The following SLC4A4 variants were observed in gnomAD, a reference collection of about 807,000 sequenced individuals.
The protein encoded by SLC4A4 is solute carrier family 4 member 4, also known as electrogenic sodium bicarbonate cotransporter 1.
SLC4A4 carries 27 observed loss-of-function variants against 111.5 expected under a neutral mutation model. That is an observed-to-expected ratio of 0.24 (90% CI 0.18 to 0.33). The LOEUF (loss-of-function observed/expected upper bound fraction) is 0.33, where lower values mean the gene tolerates loss of function less well. Among genes scored for constraint, SLC4A4 ranks in the 10% least tolerant of loss-of-function variants. The pLI, the probability that SLC4A4 is intolerant of heterozygous loss-of-function variation, is 1.00. For missense variants in SLC4A4, 909 were observed against 1,315.5 expected, an observed-to-expected ratio of 0.69 and a Z score of 4.78; for synonymous variants, 443 against 463.4, an observed-to-expected ratio of 0.96 and a Z score of 0.57.
At chr4:71,278,162 T>C (rs1261923215) in intron 3 of SLC4A4, among the ~76,000 whole-genome samples, 1 of 152,192 alleles carries the variant, frequency 6.6e-6, no homozygotes. Context: ...TTGACTTTTT[T>C]TTTTTAATTA....
At chr4:71,454,964 T>G (rs1010855987) in intron 12 of SLC4A4, among the ~76,000 whole-genome samples, 2 of 152,086 alleles carry the variant, frequency 1.3e-5, no homozygotes, top group East Asian at 1.9e-4. Context: ...TCCAGAATAT[T>G]TGGGGTCTGG....
At chr4:71,097,341 C>T (rs1742585812) in intron 2 of SLC4A4, among the ~76,000 whole-genome samples, 1 of 152,184 alleles carries the variant, frequency 6.6e-6, no homozygotes, top group African/African-American at 2.4e-5. Context: ...CATGTTCCCA[C>T]AAAAGACATG....
chr4:71,348,145 C>A (rs1729491349), intron 4 of SLC4A4, among the ~76,000 whole-genome samples: 1 of 152,090 alleles, frequency 6.6e-6, no homozygotes, highest in Non-Finnish European at 1.5e-5. Flanking sequence ...CATTCTCCAT[C>A]AAAAATAAAT....
intron 4 of SLC4A4, among the ~76,000 whole-genome samples, chr4:71,349,494 C>T (rs1047082562): frequency 6.6e-6 from 1 of 152,210 alleles, no homozygotes; most frequent in Non-Finnish European, 1.5e-5. Flanking sequence ...CTTATTTAAA[C>T]TTGCCTCATG....
chr4:71,342,853 T>C (rs1436771327), intron 4 of SLC4A4, among the ~76,000 whole-genome samples: 2 of 152,200 alleles, frequency 1.3e-5, no homozygotes, highest in African/African-American at 4.8e-5. Context: ...AGAGACGTTA[T>C]TTCCTTGGGA....
intron 1 of SLC4A4, among the ~76,000 whole-genome samples, chr4:71,195,472 T>C (rs928121906): frequency 6.6e-6 from 1 of 152,200 alleles, no homozygotes; most frequent in Non-Finnish European, 1.5e-5. Context: ...TCATCTGGTA[T>C]AGTAAACAGC....
intron 3 of SLC4A4, among the ~76,000 whole-genome samples, chr4:71,296,525 A>T (rs919616235): frequency 2.0e-4 from 31 of 152,172 alleles, no homozygotes; most frequent in African/African-American, 7.2e-4. Flanking sequence ...AGTTGGGTGT[A>T]TTTTTTTGGG....
intron 6 of SLC4A4, among the ~76,000 whole-genome samples, chr4:71,393,041 A>G (rs538209544): frequency 6.6e-6 from 1 of 152,164 alleles, no homozygotes; most frequent in Non-Finnish European, 1.5e-5. Context: ...GCCATCTATG[A>G]CAAACCCACA....
chr4:71,533,516 C>CT (rs1296331230), intron 17 of SLC4A4, among the ~76,000 whole-genome samples: 4 of 151,514 alleles, frequency 2.6e-5, no homozygotes, highest in Admixed American at 1.3e-4. Context: ...GTAGGAAACC[C>CT]TTTTTTTTCT....
chr4:71,431,579 G>A (rs1421622652), intron 7 of SLC4A4, among the ~76,000 whole-genome samples: 1 of 152,100 alleles, frequency 6.6e-6, no homozygotes, highest in Admixed American at 6.6e-5. Flanking sequence ...TGGTCTTCTG[G>A]TCTGATTTCT....
chr4:71,440,941 TATATA>T (rs1403397134), intron 8 of SLC4A4, among the ~76,000 whole-genome samples, 168 bp downstream of exon 8: 1 of 152,230 alleles, frequency 6.6e-6, no homozygotes, highest in Non-Finnish European at 1.5e-5. Flanking sequence ...TCTTGGCACT[TATATA>T]GTAATAATAA....
intron 2 of SLC4A4, among the ~76,000 whole-genome samples, chr4:71,172,896 T>A (rs1170592805): frequency 6.6e-6 from 1 of 152,210 alleles, no homozygotes; most frequent in Non-Finnish European, 1.5e-5. Context: ...ATGGATACTT[T>A]ACAAGATCCC....
intron 16 of SLC4A4, among the ~76,000 whole-genome samples, chr4:71,520,727 C>T (rs1400317086): frequency 1.3e-5 from 2 of 152,312 alleles, no homozygotes; most frequent in East Asian, 3.9e-4. Context: ...CATCATATCA[C>T]ATCTGCCAGT....
intron 4 of SLC4A4, among the ~76,000 whole-genome samples, chr4:71,345,054 C>T (rs1409655267): frequency 6.6e-6 from 1 of 152,252 alleles, no homozygotes; most frequent in East Asian, 1.9e-4. Flanking sequence ...CGTCCTTTAC[C>T]TGTTCTTCCC....
chr4:71,196,815 C>A (rs1746023190), intron 1 of SLC4A4, among the ~76,000 whole-genome samples: 1 of 88,364 alleles, frequency 1.1e-5, no homozygotes, highest in African/African-American at 3.9e-5. Flanking sequence ...GCCTGGGTGA[C>A]AGAGCAAGAC....
chr4:71,083,727 C>A (rs1306938691), intron 1 of SLC4A4, among the ~76,000 whole-genome samples: 5 of 151,790 alleles, frequency 3.3e-5, no homozygotes, highest in Admixed American at 6.6e-5. Flanking sequence ...TGCTTGAATT[C>A]CAGCTTCACT....
At chr4:71,093,631 T>C (rs936529924) in intron 2 of SLC4A4, among the ~76,000 whole-genome samples, 1 of 152,226 alleles carries the variant, frequency 6.6e-6, no homozygotes, top group Admixed American at 6.5e-5. Context: ...AGAGTTCTTC[T>C]TGTGATACTG....
At chr4:71,324,148 C>T (rs1050053028) in intron 3 of SLC4A4, among the ~76,000 whole-genome samples, 2 of 151,832 alleles carry the variant, frequency 1.3e-5, no homozygotes, top group Non-Finnish European at 2.9e-5. Context: ...GGGTGATTAC[C>T]GTTTCTGTGA....
chr4:71,436,646 CA>C (rs1724174000), intron 7 of SLC4A4, among the ~76,000 whole-genome samples: 1 of 152,106 alleles, frequency 6.6e-6, no homozygotes, highest in African/African-American at 2.4e-5. Flanking sequence ...AAACAGAGAC[CA>C]AAGTCAGTGC....
Sources: gnomAD v4.1 joint callset for allele counts (sites outside exome capture counted in the v4.1 genomes callset) on GRCh38, gnomAD v4.1.1 for gene constraint, MANE v1.5 for transcripts, NCBI Gene and HGNC (gene_info 2026-07-23, HGNC 2026-07-21) for gene names.